The following PCDHA2 variants were observed in gnomAD, a reference collection of about 807,000 sequenced individuals.
The protein encoded by PCDHA2 is protocadherin alpha 2.
Under a neutral mutation model 66.0 loss-of-function variants are expected in PCDHA2, and 58 were observed. The ratio of observed to expected loss-of-function variants is 0.88; its 90% confidence interval spans 0.71 to 1.09. The LOEUF is 1.09. PCDHA2 is among the 50% of genes least tolerant of loss of function. The pLI is 0.00. For missense variants in PCDHA2, 1,267 were observed against 1,242.3 expected (o/e 1.02, Z -0.30); for synonymous variants, 634 against 554.0 (o/e 1.14, Z -2.03).
At chr5:140,979,215 G>A (rs1463069868) in intron 2 of PCDHA2, among the ~76,000 whole-genome samples, 5 of 152,178 alleles carry the variant, frequency 3.3e-5, no homozygotes, top group African/African-American at 4.8e-5. Context: ...TGGCATATAA[G>A]AGTCCTCTGT....
intron 1 of PCDHA2, among the ~76,000 whole-genome samples, chr5:140,874,903 C>T (rs543752012): frequency 1.3e-5 from 2 of 152,172 alleles, no homozygotes; most frequent in South Asian, 4.1e-4. Context: ...TAAAATCTTA[C>T]GATGGAGTGC....
At chr5:141,006,085 C>T (rs1588120524) in intron 3 of PCDHA2, among the ~76,000 whole-genome samples, 1 of 148,094 alleles carries the variant, frequency 6.8e-6, no homozygotes, top group African/African-American at 2.5e-5. Context: ...ATTGAAGGGA[C>T]TTATGTATCA....
intron 1 of PCDHA2, among the ~76,000 whole-genome samples, chr5:140,821,045 G>C (rs1445843647): frequency 1.3e-5 from 2 of 151,900 alleles, no homozygotes; most frequent in African/African-American, 4.8e-5. Context: ...AGAAACTCAG[G>C]TAAGAATGCC....
intron 1 of PCDHA2, chr5:140,809,553 C>G: frequency 6.2e-7 from 1 of 1,610,762 alleles, no homozygotes; most frequent in Non-Finnish European, 8.5e-7. Context: ...CTGCAGACAA[C>G]TGAGGAATCC....
At chr5:140,873,791 G>A (rs1330097708) in intron 1 of PCDHA2, among the ~76,000 whole-genome samples, 1 of 152,152 alleles carries the variant, frequency 6.6e-6, no homozygotes, top group Non-Finnish European at 1.5e-5. Flanking sequence ...TTTCCGAGAA[G>A]CTGGGACTAC....
At chr5:140,843,007 GC>G in intron 1 of PCDHA2, 1 of 1,594,980 alleles carries the variant, frequency 6.3e-7, no homozygotes, top group Non-Finnish European at 8.6e-7. Flanking sequence ...ATGACAACGC[GC>G]CGGCACTGCT....
At chr5:140,818,732 G>A (rs2150102254) in intron 1 of PCDHA2, among the ~76,000 whole-genome samples, 20 of 152,118 alleles carry the variant, frequency 1.3e-4, no homozygotes, top group African/African-American at 4.6e-4. Flanking sequence ...CAGCTACTTG[G>A]GAGGCTGAAG....
In PCDHA2 at chr5:140,849,923, G is replaced by T. The variant is rs145904051; in HGVS notation, c.2388+52571G>T. 160 of 1,598,322 alleles carry T rather than the reference G, an allele frequency of 1.0e-4. 9 individuals carry two copies. The African/African-American group carries it at 1.2e-3, about 12-fold the overall frequency. On this transcript the variant is annotated intron_variant, in intron 1 of 3. Transcript: ENST00000526136. ...ACCCGCCGGGCTGCCACATCTTCAC[G>T]GTGTCTGCGCGGGACGCTGACGCGC...
At chr5:140,800,313 G>A (rs1554121108) in intron 1 of PCDHA2, among the ~76,000 whole-genome samples, 1 of 152,092 alleles carries the variant, frequency 6.6e-6, no homozygotes, top group African/African-American at 2.4e-5. Context: ...CTTTATGTAA[G>A]TTACAGTCAA....
intron 1 of PCDHA2, chr5:140,871,241 C>CGCT (rs1268066555): frequency 1.2e-6 from 2 of 1,613,972 alleles, no homozygotes; most frequent in African/African-American, 2.7e-5. Context: ...CTGGTACTCA[C>CGCT]GCTGCTGCTG....
chr5:140,889,232 C>T (rs1365146997), intron 1 of PCDHA2, among the ~76,000 whole-genome samples: 6 of 151,736 alleles, frequency 4.0e-5, no homozygotes, highest in African/African-American at 1.4e-4. Context: ...TTGAAAACTT[C>T]CAGAAAATTT....
intron 1 of PCDHA2, chr5:140,863,602 T>G: frequency 1.4e-5 from 5 of 354,858 alleles, no homozygotes; most frequent in South Asian, 1.1e-4. Flanking sequence ...TTCATTCCTA[T>G]TAATGTCCCT....
At chr5:140,808,647 A>G in intron 1 of PCDHA2, 1 of 1,613,334 alleles carries the variant, frequency 6.2e-7, no homozygotes, top group Non-Finnish European at 8.5e-7. Flanking sequence ...GCGCAGGAGA[A>G]CGCGCTGGTG....
Position 140,795,853 on chromosome 5 carries a change from C to G in PCDHA2, c.889C>G (p.Pro297Ala). The G allele has an allele frequency of 6.2e-7, 1 of 1,613,860 alleles. No individual in the cohort carries two copies. The highest frequency in any genetic ancestry group is 8.5e-7 in the Non-Finnish European group (1 of 1,179,978). The change falls in exon 1 of 4, where the codon CCC becomes GCC. Residue 297 changes from proline to alanine, a missense_variant. Pro to Ala is a conservative substitution (Grantham distance 27, BLOSUM62 -1). Coordinates refer to ENST00000526136, the MANE Select transcript of PCDHA2 (RefSeq NM_018905.3). The part of the protein sequence containing the change: ...STIQTKFTID[P>A]ISGEIRTKGK... The stretch of plus-strand genomic sequence containing the variant: ...TATACAGACTAAGTTTACCATAGAT[C>G]CCATCTCAGGGGAAATCAGAACTAA...
chr5:140,834,619 T>C, intron 1 of PCDHA2: 1 of 1,614,188 alleles, frequency 6.2e-7, no homozygotes, highest in Non-Finnish European at 8.5e-7. Flanking sequence ...GAGGTAAATC[T>C]GCAGAATGGC....
At chr5:140,913,997 A>G (rs2076553878) in intron 1 of PCDHA2, among the ~76,000 whole-genome samples, 1 of 152,170 alleles carries the variant, frequency 6.6e-6, no homozygotes, top group Admixed American at 6.5e-5. Flanking sequence ...TGACTAGCAT[A>G]TGGTCTATCT....
intron 1 of PCDHA2, chr5:140,809,788 A>G (rs1031219834): frequency 2.1e-6 from 1 of 478,810 alleles, no homozygotes; most frequent in Non-Finnish European, 3.6e-6. Context: ...ATATTAACAG[A>G]ACTGTAATTT....
At chr5:140,953,928 C>T (rs246028) in intron 1 of PCDHA2, among the ~76,000 whole-genome samples, 85,608 of 151,876 alleles carry the variant, frequency 0.56, 24,758 homozygotes, top group African/African-American at 0.69. Flanking sequence ...CTTCCTGATG[C>T]TCTCCCTCCC....
chr5:140,919,115 T>G (rs2079009343), intron 1 of PCDHA2, among the ~76,000 whole-genome samples: 1 of 152,228 alleles, frequency 6.6e-6, no homozygotes, highest in Non-Finnish European at 1.5e-5. Context: ...TTCTGCCAGT[T>G]TTTGCTTCAT....
Sources: allele counts gnomAD v4.1 joint callset (sites outside exome capture counted in the v4.1 genomes callset), GRCh38; gene constraint gnomAD v4.1.1; transcripts MANE v1.5; gene names NCBI Gene and HGNC (gene_info 2026-07-23, HGNC 2026-07-21).